The following SIPA1L1 variants were observed in gnomAD, a reference collection of about 807,000 sequenced individuals.
The protein encoded by SIPA1L1 is signal-induced proliferation-associated 1-like protein 1.
Under a neutral mutation model 162.7 loss-of-function variants are expected in SIPA1L1, and 26 were observed. The observed-to-expected ratio is 0.16, with a 90% CI of 0.12 to 0.22. The LOEUF (loss-of-function observed/expected upper bound fraction) is 0.22. SIPA1L1 is among the 10% of genes least tolerant of loss of function. The pLI is 1.00. For synonymous variants in SIPA1L1, 829 were observed against 837.4 expected (o/e 0.99, Z 0.17); for missense variants, 1,874 against 2,241.0 (o/e 0.84, Z 3.31).
chr14:71,703,750 G>A (rs1278716201), intron 15 of SIPA1L1, among the ~76,000 whole-genome samples: 2 of 152,152 alleles, frequency 1.3e-5, no homozygotes, highest in African/African-American at 4.8e-5. Flanking sequence ...CTGCCAGCAA[G>A]CCCTTTGTGA....
intron 3 of SIPA1L1, among the ~76,000 whole-genome samples, chr14:71,518,506 T>G (rs1319294802): frequency 6.6e-6 from 1 of 152,230 alleles, no homozygotes; most frequent in Non-Finnish European, 1.5e-5. Context: ...ATTACTGTTG[T>G]CTTCATGTGT....
At chr14:71,362,524 A>T (rs1463367221) in intron 2 of SIPA1L1, among the ~76,000 whole-genome samples, 1 of 152,196 alleles carries the variant, frequency 6.6e-6, no homozygotes, top group East Asian at 1.9e-4. Context: ...TCCATTTTGG[A>T]TTTGAGTCAC....
At position 71,733,660 on chromosome 14, in the gene SIPA1L1, C is replaced by T. The variant is rs371493275; in HGVS notation, c.4862-6C>T. The T allele has an allele frequency of 3.7e-6, 6 of 1,613,122 alleles. No individual in the cohort carries two copies. Among genetic ancestry groups the T allele is most frequent in the Middle Eastern group, 1.6e-4 (1 of 6,080 alleles). On this transcript the variant is annotated splice_region_variant and splice_polypyrimidine_tract_variant and intron_variant, in intron 20 of 23. Transcript: ENST00000381232. ...GAAGCATCTCATTCCTCCTCCCTTC[C>T]CGCAGGAGAGTTCTCAGCCTCGGAC... is the stretch of plus-strand genomic sequence containing the variant.
At chr14:71,365,243 G>C (rs2038178034) in intron 2 of SIPA1L1, among the ~76,000 whole-genome samples, 1 of 151,898 alleles carries the variant, frequency 6.6e-6, no homozygotes, top group Non-Finnish European at 1.5e-5. Flanking sequence ...TGAACTCCTG[G>C]GCTCAAGCAA....
intron 2 of SIPA1L1, among the ~76,000 whole-genome samples, chr14:71,375,779 G>A (rs1335022083): frequency 6.6e-6 from 1 of 152,120 alleles, no homozygotes; most frequent in Non-Finnish European, 1.5e-5. Flanking sequence ...TATCATGAAT[G>A]TCTATTGGAT....
At chr14:71,577,948 G>A (rs1346613639) in intron 4 of SIPA1L1, among the ~76,000 whole-genome samples, 1 of 150,694 alleles carries the variant, frequency 6.6e-6, no homozygotes, top group African/African-American at 2.4e-5. Context: ...TCTTGCTCTG[G>A]CACCCAGGCT....
At chr14:71,696,192 A>G (rs535622094) in intron 13 of SIPA1L1, among the ~76,000 whole-genome samples, 2 of 152,314 alleles carry the variant, frequency 1.3e-5, no homozygotes, top group African/African-American at 2.4e-5. Flanking sequence ...TGATTGGCCC[A>G]TATTTCTCAC....
chr14:71,507,114 C>A (rs2098367670), intron 2 of SIPA1L1, among the ~76,000 whole-genome samples: 1 of 152,086 alleles, frequency 6.6e-6, no homozygotes, highest in Admixed American at 6.5e-5. Flanking sequence ...TAAATTCTTG[C>A]CTTCTAGGTT....
chr14:71,338,529 A>G (rs1212506290), intron 2 of SIPA1L1, among the ~76,000 whole-genome samples: 1 of 152,118 alleles, frequency 6.6e-6, no homozygotes, highest in Admixed American at 6.5e-5. Flanking sequence ...CATGATTCAC[A>G]TGGGCTCAGT....
intron 13 of SIPA1L1, among the ~76,000 whole-genome samples, chr14:71,694,984 C>G (rs2081517577): frequency 6.6e-6 from 1 of 152,178 alleles, no homozygotes; most frequent in Non-Finnish European, 1.5e-5. Context: ...GCTCCCAGTT[C>G]TTGAAGCACC....
intron 6 of SIPA1L1, 21 bp downstream of exon 6, chr14:71,618,908 G>T (rs751044666): frequency 6.2e-7 from 1 of 1,608,226 alleles, no homozygotes; most frequent in Non-Finnish European, 8.5e-7. Flanking sequence ...AATGAGAGAG[G>T]TTTGAGGTTT....
intron 3 of SIPA1L1, among the ~76,000 whole-genome samples, chr14:71,513,891 ATGT>A (rs1464832248): frequency 6.6e-6 from 1 of 152,126 alleles, no homozygotes. Context: ...TCGCAGATAG[ATGT>A]TGATGCTGCG....
chr14:71,591,557 G>A (rs1313092063), intron 5 of SIPA1L1, among the ~76,000 whole-genome samples: 1 of 152,102 alleles, frequency 6.6e-6, no homozygotes, highest in Non-Finnish European at 1.5e-5. Flanking sequence ...TTGAAGCATG[G>A]AAAATACCCT....
At chr14:71,431,475 G>A (rs1346487804) in intron 2 of SIPA1L1, among the ~76,000 whole-genome samples, 1 of 151,752 alleles carries the variant, frequency 6.6e-6, no homozygotes, top group Admixed American at 6.6e-5. Flanking sequence ...GGAGAATCGC[G>A]TGAGTCCAGG....
At chr14:71,476,908 A>C (rs1238656043) in intron 2 of SIPA1L1, among the ~76,000 whole-genome samples, 3 of 151,912 alleles carry the variant, frequency 2.0e-5, no homozygotes, top group African/African-American at 7.3e-5. Flanking sequence ...GTATCAATCT[A>C]AACACGTATA....
At chr14:71,445,018 C>T (rs2045235547) in intron 2 of SIPA1L1, among the ~76,000 whole-genome samples, 1 of 152,116 alleles carries the variant, frequency 6.6e-6, no homozygotes, top group East Asian at 1.9e-4. Context: ...ACAGATACCA[C>T]ATTTAAGTAT....
At chr14:71,339,243 G>GCGC (rs2035397310) in intron 2 of SIPA1L1, among the ~76,000 whole-genome samples, 1 of 152,136 alleles carries the variant, frequency 6.6e-6, no homozygotes, top group Non-Finnish European at 1.5e-5. Context: ...AGAGGAATGG[G>GCGC]CACTTTGGGA....
chr14:71,469,711 G>A (rs1737068981), intron 2 of SIPA1L1, among the ~76,000 whole-genome samples: 1 of 152,218 alleles, frequency 6.6e-6, no homozygotes, highest in African/African-American at 2.4e-5. Flanking sequence ...GAAAAATGAG[G>A]AAGGTGATGT....
chr14:71,588,121 G>T lies in SIPA1L1; in HGVS notation c.249G>T (p.Trp83Cys). The T allele has an allele frequency of 6.2e-7, 1 of 1,614,090 alleles. No individual in the cohort carries two copies. Among genetic ancestry groups the T allele is most frequent in the South Asian group, 1.1e-5 (1 of 91,078 alleles). The change falls in exon 5 of 24, where the codon TGG becomes TGT. Residue 83 changes from tryptophan (W) to cysteine (C), a missense_variant. Transcript: ENST00000381232. The surrounding 1 kb of genome is among the most constrained non-coding windows in gnomAD (Gnocchi z 4.3). ...KMGVRARIAD[W>C]PPRKENIKES... ...GGGTAAGGGCAAGGATTGCAGATTG[G>T]CCCCCAAGAAAGGAAAACATAAAAG...
Sources: gnomAD v4.1 joint callset for allele counts (sites outside exome capture counted in the v4.1 genomes callset) on GRCh38, gnomAD v4.1.1 for gene constraint, Gnocchi (gnomAD v3.1) non-coding constraint, MANE v1.5 for transcripts, NCBI Gene and HGNC (gene_info 2026-07-23, HGNC 2026-07-21) for gene names.